SGCZ: variants seen among roughly 807,000 people sequenced by gnomAD.
The protein encoded by SGCZ is sarcoglycan zeta.
A neutral mutation model predicts 41.3 loss-of-function variants in SGCZ; 40 were observed. The observed-to-expected ratio is 0.97, with a 90% CI of 0.75 to 1.26. The LOEUF (loss-of-function observed/expected upper bound fraction) is 1.26. SGCZ is among the 50% of genes most tolerant of loss of function. The pLI, the probability that SGCZ is intolerant of heterozygous loss-of-function variation, is 0.00. For missense variants in SGCZ, 552 were observed against 369.8 expected (o/e 1.49, Z -4.04); for synonymous variants, 206 against 137.5 (o/e 1.50, Z -3.49).
At chr8:15,185,474 G>C (rs189490457) in intron 1 of SGCZ, among the ~76,000 whole-genome samples, 2 of 152,258 alleles carry the variant, frequency 1.3e-5, no homozygotes, top group Non-Finnish European at 2.9e-5. Context: ...TTACATGTAT[G>C]TTCCTACTTG....
chr8:14,307,945 G>C (rs1199908943), intron 3 of SGCZ, among the ~76,000 whole-genome samples: 1 of 152,078 alleles, frequency 6.6e-6, no homozygotes, highest in East Asian at 1.9e-4. Context: ...AGTCAGTTTT[G>C]TGTGTACCTT....
chr8:14,138,014 G>A (rs1253921699), intron 5 of SGCZ, among the ~76,000 whole-genome samples: 2 of 152,140 alleles, frequency 1.3e-5, no homozygotes, highest in African/African-American at 2.4e-5. Flanking sequence ...GAAGAGAGTG[G>A]GGGCCAATAT....
intron 1 of SGCZ, among the ~76,000 whole-genome samples, chr8:14,589,074 G>C (rs1805156398): frequency 6.6e-6 from 1 of 152,108 alleles, no homozygotes; most frequent in Admixed American, 6.6e-5. Context: ...GTAGCACACT[G>C]ATGGGCTTGG....
chr8:14,793,321 T>C (rs1377653764), intron 1 of SGCZ, among the ~76,000 whole-genome samples: 1 of 152,214 alleles, frequency 6.6e-6, no homozygotes, highest in African/African-American at 2.4e-5. Flanking sequence ...TATAATCCAA[T>C]TTTCACATCA....
chr8:14,490,164 C>T (rs1000241384), intron 2 of SGCZ, among the ~76,000 whole-genome samples: 14 of 152,130 alleles, frequency 9.2e-5, no homozygotes, highest in Non-Finnish European at 1.6e-4. Flanking sequence ...CCATGCCCGG[C>T]CAACTCTCCT....
At chr8:15,181,593 A>G (rs763225816) in intron 1 of SGCZ, among the ~76,000 whole-genome samples, 1 of 152,180 alleles carries the variant, frequency 6.6e-6, no homozygotes, top group Non-Finnish European at 1.5e-5. Flanking sequence ...TCAAACCATT[A>G]TGTTGAAATA....
At chr8:14,751,589 G>C (rs1208633119) in intron 1 of SGCZ, among the ~76,000 whole-genome samples, 1 of 152,118 alleles carries the variant, frequency 6.6e-6, no homozygotes, top group Non-Finnish European at 1.5e-5. Context: ...ACAGATTGAA[G>C]TCATTTAATG....
chr8:14,309,040 CT>C (rs1801438070), intron 3 of SGCZ: 1 of 1,289,054 alleles, frequency 7.8e-7, no homozygotes, highest in South Asian at 1.3e-5. Context: ...AACCGGAAGC[CT>C]CCCCTACTCT....
intron 1 of SGCZ, among the ~76,000 whole-genome samples, chr8:15,219,884 G>C (rs748286775): frequency 6.6e-6 from 1 of 152,122 alleles, no homozygotes; most frequent in African/African-American, 2.4e-5. Flanking sequence ...GTAAAGCACT[G>C]TTTTTAGCTG....
chr8:15,184,244 T>C (rs1021197333), intron 1 of SGCZ, among the ~76,000 whole-genome samples: 1 of 152,200 alleles, frequency 6.6e-6, no homozygotes, highest in Admixed American at 6.5e-5. Context: ...CCAAAATGTA[T>C]TTCATAATAA....
At chr8:14,905,991 T>A (rs943809526) in intron 1 of SGCZ, among the ~76,000 whole-genome samples, 1 of 152,066 alleles carries the variant, frequency 6.6e-6, no homozygotes, top group Non-Finnish European at 1.5e-5. Context: ...GGTTGAAATA[T>A]TTTTTAAAAA....
chr8:14,262,498 G>C (rs1232905520), intron 3 of SGCZ, among the ~76,000 whole-genome samples: 2 of 151,912 alleles, frequency 1.3e-5, no homozygotes, highest in Middle Eastern at 3.2e-3. Flanking sequence ...GTGACAAATA[G>C]CCATAGTATT....
intron 1 of SGCZ, among the ~76,000 whole-genome samples, chr8:15,012,495 T>A (rs1458092668): frequency 2.3e-5 from 3 of 131,138 alleles, no homozygotes; most frequent in Non-Finnish European, 4.7e-5. Flanking sequence ...ATATATAAAA[T>A]AAATGTATAA....
chr8:14,638,802 T>A (rs1563170914), intron 1 of SGCZ, among the ~76,000 whole-genome samples: 1 of 151,812 alleles, frequency 6.6e-6, no homozygotes, highest in East Asian at 1.9e-4. Flanking sequence ...TCAGGTGCAC[T>A]ACATTTTATG....
intron 2 of SGCZ, among the ~76,000 whole-genome samples, chr8:14,414,352 T>G (rs7462836): frequency 0.32 from 48,127 of 151,724 alleles, 7,740 homozygotes; most frequent in Admixed American, 0.36. Context: ...TGCTCTTGAA[T>G]TAGTGTTTCT....
intron 1 of SGCZ, among the ~76,000 whole-genome samples, chr8:15,159,343 G>T (rs1799429941): frequency 6.6e-6 from 1 of 151,968 alleles, no homozygotes; most frequent in African/African-American, 2.4e-5. Context: ...AAAAAAACAT[G>T]GTTCCCTGAG....
At chr8:14,646,579 A>T (rs1053700745) in intron 1 of SGCZ, among the ~76,000 whole-genome samples, 3 of 151,880 alleles carry the variant, frequency 2.0e-5, no homozygotes, top group Admixed American at 6.6e-5. Flanking sequence ...ACATCCGGTA[A>T]TAGTTTTGCT....
intron 1 of SGCZ, among the ~76,000 whole-genome samples, chr8:14,841,780 C>A (rs1337539470): frequency 6.6e-6 from 1 of 152,114 alleles, no homozygotes; most frequent in African/African-American, 2.4e-5. Context: ...CTTCAGAAAT[C>A]ATTTTATGCA....
At chr8:14,668,428 C>A (rs1264777559) in intron 1 of SGCZ, among the ~76,000 whole-genome samples, 1 of 152,106 alleles carries the variant, frequency 6.6e-6, no homozygotes, top group African/African-American at 2.4e-5. Flanking sequence ...TTTCTAACCT[C>A]TGAGGTTAGC....
Sources: allele counts gnomAD v4.1 joint callset (sites outside exome capture counted in the v4.1 genomes callset), GRCh38; gene constraint gnomAD v4.1.1; transcripts MANE v1.5; gene names NCBI Gene and HGNC (gene_info 2026-07-23, HGNC 2026-07-21).